Variants in PRR33 observed in about 807,000 individuals in gnomAD.
PRR33 encodes proline-rich protein 33.
Under a neutral mutation model 0.5 loss-of-function variants are expected in PRR33, and 1 was observed. The observed-to-expected ratio is 2.18, with a 90% CI of 0.77 to 10.34. The LOEUF (loss-of-function observed/expected upper bound fraction) is 10.34, where lower values mean the gene tolerates loss of function less well. PRR33 is among the 30% of genes most tolerant of loss of function. The pLI, the probability that PRR33 is intolerant of heterozygous loss-of-function variation, is 0.13. For missense variants in PRR33, 552 were observed against 251.8 expected, an observed-to-expected ratio of 2.19 and a Z score of -8.07; for synonymous variants, 226 against 110.0, an observed-to-expected ratio of 2.06 and a Z score of -6.60.
At chr11:1,906,132 C>G in the PRR33 span, among the ~76,000 whole-genome samples, 1 of 152,002 alleles carries the variant, frequency 6.6e-6, no homozygotes, top group Non-Finnish European at 1.5e-5. Flanking sequence ...GGCCCCTCTG[C>G]TTCTTAATAG....
At chr11:1,917,266 C>G in the PRR33 span, among the ~76,000 whole-genome samples, 1 of 152,172 alleles carries the variant, frequency 6.6e-6, no homozygotes, top group East Asian at 1.9e-4. Flanking sequence ...TCCACCACCC[C>G]CAACCATGCG....
upstream of PRR33, among the ~76,000 whole-genome samples, chr11:1,894,146 A>C (rs1849095985): frequency 1.4e-5 from 1 of 73,428 alleles, no homozygotes; most frequent in Non-Finnish European, 2.7e-5. Context: ...GTGTGTGACA[A>C]GTTCTCTGTT....
At chr11:1,916,216 G>A in the PRR33 span, among the ~76,000 whole-genome samples, 1 of 152,086 alleles carries the variant, frequency 6.6e-6, no homozygotes, top group Non-Finnish European at 1.5e-5. Context: ...ACTCAGCCCT[G>A]CAGCCTTCAG....
the PRR33 span, among the ~76,000 whole-genome samples, chr11:1,915,155 G>GTA: frequency 2.0e-5 from 3 of 149,634 alleles, no homozygotes; most frequent in Admixed American, 2.0e-4. Flanking sequence ...GTGTGTGTGT[G>GTA]TGTGTGTGTG....
chr11:1,889,687 C>G (rs1306504194), exon 1 of PRR33: 1 of 635,490 alleles, frequency 1.6e-6, no homozygotes, highest in South Asian at 1.8e-5. Flanking sequence ...GCGGGGCCAG[C>G]CATCGGGGGC....
chr11:1,906,634 T>C, the PRR33 span, among the ~76,000 whole-genome samples: 8 of 152,310 alleles, frequency 5.3e-5, no homozygotes, highest in Non-Finnish European at 7.3e-5. Flanking sequence ...TCTGGAATAG[T>C]GTGGGCTAAC....
chr11:1,908,533 G>A, the PRR33 span, among the ~76,000 whole-genome samples: 3 of 151,970 alleles, frequency 2.0e-5, no homozygotes, highest in African/African-American at 4.8e-5. Flanking sequence ...CCGTCGCTAA[G>A]TACTTTATAC....
the PRR33 span, among the ~76,000 whole-genome samples, chr11:1,911,303 G>A: frequency 5.9e-5 from 9 of 152,196 alleles, no homozygotes; most frequent in South Asian, 2.1e-4. Context: ...TTAGCTGGGT[G>A]TGGTGGTGGG....
At chr11:1,915,350 CTGTG>C in the PRR33 span, among the ~76,000 whole-genome samples, 43 of 126,802 alleles carry the variant, frequency 3.4e-4, no homozygotes, top group Non-Finnish European at 6.3e-4. Flanking sequence ...ATGTGTGTGT[CTGTG>C]TGTTGTGGGG....
chr11:1,901,899 T>C, the PRR33 span, among the ~76,000 whole-genome samples: 1 of 152,174 alleles, frequency 6.6e-6, no homozygotes, highest in Non-Finnish European at 1.5e-5. Context: ...GTCAGAAAGG[T>C]GCATTTTAGT....
chr11:1,888,360 G>T (rs935089596), exon 1 of PRR33, among the ~76,000 whole-genome samples: 3 of 152,172 alleles, frequency 2.0e-5, no homozygotes, highest in Non-Finnish European at 4.4e-5. Flanking sequence ...TTCCCATAGG[G>T]TTGGGACTGA....
At chr11:1,906,201 C>A in the PRR33 span, among the ~76,000 whole-genome samples, 1 of 152,094 alleles carries the variant, frequency 6.6e-6, no homozygotes, top group Admixed American at 6.6e-5. Flanking sequence ...TAGAGTCTGT[C>A]ACCTTGTTAT....
At chr11:1,890,426 G>T in exon 1 of PRR33, 1 of 717,262 alleles carries the variant, frequency 1.4e-6, no homozygotes, top group South Asian at 1.5e-5. Flanking sequence ...CGAGGTGTGT[G>T]CCTCCCATCA....
the PRR33 span, among the ~76,000 whole-genome samples, chr11:1,912,969 C>A: frequency 6.6e-6 from 1 of 152,062 alleles, no homozygotes; most frequent in Non-Finnish European, 1.5e-5. Context: ...ATTCTATTAA[C>A]CTCCTATGTT....
the PRR33 span, among the ~76,000 whole-genome samples, chr11:1,905,433 C>CTT: frequency 4.2e-3 from 409 of 97,878 alleles, 4 homozygotes; most frequent in African/African-American, 0.014. Flanking sequence ...GGCCTTCTCT[C>CTT]TTTTTTTTTT....
At chr11:1,916,188 C>T in the PRR33 span, among the ~76,000 whole-genome samples, 6 of 152,096 alleles carry the variant, frequency 3.9e-5, no homozygotes, top group African/African-American at 1.4e-4. Flanking sequence ...TCTCCCAGGT[C>T]TTGCACTGGG....
the PRR33 span, among the ~76,000 whole-genome samples, chr11:1,911,704 A>G: frequency 6.6e-6 from 1 of 150,904 alleles, no homozygotes; most frequent in Admixed American, 6.6e-5. Context: ...TACAGGCGTG[A>G]GTCACTGCGC....
chr11:1,913,778 T>C, the PRR33 span, among the ~76,000 whole-genome samples: 1 of 152,254 alleles, frequency 6.6e-6, no homozygotes, highest in Non-Finnish European at 1.5e-5. Flanking sequence ...TCTGTTCCAC[T>C]AAGCCAAGTC....
chr11:1,890,799 A>G, exon 1 of PRR33: 1 of 586,824 alleles, frequency 1.7e-6, no homozygotes, highest in East Asian at 2.8e-5. Flanking sequence ...ACCCTAGTGT[A>G]GAAATGAGGC....
Sources: gnomAD v4.1 joint callset for allele counts (sites outside exome capture counted in the v4.1 genomes callset) on GRCh38, gnomAD v4.1.1 for gene constraint, MANE v1.5 for transcripts, NCBI Gene and HGNC (gene_info 2026-07-23, HGNC 2026-07-21) for gene names.